DST: variants seen among roughly 807,000 people sequenced by gnomAD.
DST encodes bullous pemphigoid antigen.
A neutral mutation model predicts 875.2 loss-of-function variants in DST; 253 were observed. The observed-to-expected ratio is 0.29, with a 90% CI of 0.26 to 0.32. The LOEUF is 0.32. Ranked by LOEUF, DST falls within the 10% of genes least tolerant of loss-of-function variation. DST has a pLI of 1.00. For synonymous variants in DST, 3,124 were observed against 3,197.1 expected, an observed-to-expected ratio of 0.98 and a Z score of 0.77; for missense variants, 8,287 against 9,111.6, an observed-to-expected ratio of 0.91 and a Z score of 3.68.
At chr6:56,829,854 G>A (rs1001438865) in intron 4 of DST, among the ~76,000 whole-genome samples, 3 of 151,994 alleles carry the variant, frequency 2.0e-5, no homozygotes, top group Admixed American at 6.6e-5. Flanking sequence ...AAGAACCTTG[G>A]CAATCATTCA....
intron 46 of DST, 98 bp downstream of exon 46, chr6:56,598,378 G>T: frequency 1.4e-6 from 1 of 727,600 alleles, no homozygotes; most frequent in Non-Finnish European, 2.1e-6. Context: ...AATCCTTAGT[G>T]ATAATCCTTA....
Position 56,508,564 on chromosome 6 carries a change from G to A in DST, c.19204C>T (p.Pro6402Ser). Residue 6402 changes from proline (P) to serine (S), a missense_variant, in exon 75 of 104, where the codon CCT becomes TCT. Physicochemically the swap from Pro to Ser is moderately conservative, Grantham distance 74 (BLOSUM62 -1). Transcript: ENST00000680361. ...IRDLEDPGID[P>S]SVVKQQQEAA... is the part of the protein sequence containing the mutation. ...TCTTGCTGTTGTTTTACTACTGAAG[G>A]ATCAATTCCAGGATCTTCCAGGTCC... is the stretch of plus-strand genomic sequence containing the variant. 1 of 1,613,754 alleles carries A rather than the reference G, an allele frequency of 6.2e-7. No homozygotes were observed. The highest frequency in any genetic ancestry group is 8.5e-7 in the Non-Finnish European group (1 of 1,179,730).
At chr6:56,785,989 T>C (rs2099704607) in intron 4 of DST, 1 of 152,238 alleles carries the variant, frequency 6.6e-6, no homozygotes, top group Admixed American at 6.5e-5. Flanking sequence ...CACATCAGTA[T>C]TATCATTCTA....
intron 3 of DST, among the ~76,000 whole-genome samples, chr6:56,856,688 T>C (rs1162942727): frequency 6.6e-6 from 1 of 152,164 alleles, no homozygotes; most frequent in Admixed American, 6.5e-5. Flanking sequence ...TGATTCTTTT[T>C]CAAAAGCTAA....
chr6:56,938,069 C>A (rs1370099237), intron 2 of DST, among the ~76,000 whole-genome samples: 1 of 131,270 alleles, frequency 7.6e-6, no homozygotes, highest in Non-Finnish European at 1.5e-5. Flanking sequence ...AGAAATTACA[C>A]CTCTCTCTCT....
chr6:56,869,570 G>T (rs995845826), intron 3 of DST, among the ~76,000 whole-genome samples: 1 of 151,600 alleles, frequency 6.6e-6, no homozygotes, highest in Non-Finnish European at 1.5e-5. Context: ...CCCATGTCAA[G>T]CTTGTGGCTG....
intron 4 of DST, among the ~76,000 whole-genome samples, chr6:56,802,594 C>A (rs1386887454): frequency 6.6e-6 from 1 of 152,080 alleles, no homozygotes; most frequent in Non-Finnish European, 1.5e-5. Context: ...ACAAAGACAT[C>A]TTTTAGGACA....
In DST at chr6:56,517,652, G is replaced by A. The variant is rs201658847; in HGVS notation, c.18130-32C>T. On this transcript the variant is annotated intron_variant, in intron 69 of 103. Coordinates refer to ENST00000680361, the MANE Select transcript of DST (RefSeq NM_001374736.1). ...AAAAGATAAATAATTAGGTCAGCACGTTCCCGTTCCTGATGCCAGAAAATA... is the reference window on the plus strand; with the variant it reads ...AAAAGATAAATAATTAGGTCAGCACATTCCCGTTCCTGATGCCAGAAAATA... 131 of 1,588,838 alleles carry A rather than the reference G, an allele frequency of 8.2e-5. 1 individual carries two copies. The highest frequency in any genetic ancestry group is 3.4e-4 in the Middle Eastern group (2 of 5,962).
chr6:56,886,123 T>C (rs2127648955), intron 3 of DST, among the ~76,000 whole-genome samples: 1 of 152,332 alleles, frequency 6.6e-6, no homozygotes, highest in East Asian at 1.9e-4. Flanking sequence ...GATGTAAAGC[T>C]ACTCCCTGGG....
rs2152614512 is a variant in DST, at chr6:56,573,006, A to G, written c.13295T>C (p.Val4432Ala). ...ATCTGTTGTTTCCATAAATTTCTTC[A>G]CTTTTTCATTCATGGCATTTATACT... ...QSSINAMNEKVKKFMETTDPS... is the reference protein window; with the variant it reads ...QSSINAMNEKAKKFMETTDPS... Residue 4432 changes from valine to alanine, a missense_variant, in exon 52 of 104, where the codon GTG (valine) becomes GCG (alanine). This residue lies in a region of DST where 1,513 missense variants were observed against 1,677.8 expected (regional missense o/e 0.90). Transcript: ENST00000680361. The G allele has an allele frequency of 6.2e-7, 1 of 1,605,838 alleles. No homozygotes were observed. The highest frequency in any genetic ancestry group is 2.2e-5 in the East Asian group (1 of 44,684).
rs769710495 is a variant in DST, at chr6:56,593,733, G to C, written c.12656C>G (p.Ser4219Cys). ...SKRDGGKVDT[S>C]ATHREVQRKL... ...GCGCTGCACTTCTCTGTGGGTTGCA[G>C]AAGTATCAACCTTGCCACCGTCTCT... The change falls in exon 48 of 104, where the codon TCT becomes TGT. Residue 4219 changes from serine (S) to cysteine (C), a missense_variant. By Grantham distance (112) the Ser-to-Cys change is moderately radical (BLOSUM62 -1). Transcript: ENST00000680361. 4.3e-6 allele frequency: 7 copies of C among 1,613,678 alleles called. No individual in the cohort carries two copies. The East Asian group carries it at 1.3e-4, about 31-fold the overall frequency.
At chr6:56,739,140 C>T (rs960184393) in intron 4 of DST, among the ~76,000 whole-genome samples, 4 of 148,474 alleles carry the variant, frequency 2.7e-5, no homozygotes, top group Non-Finnish European at 4.5e-5. Flanking sequence ...GCTGCAATGC[C>T]TCTATGCGCT....
chr6:56,564,408 T>C (rs2097611842), intron 55 of DST, among the ~76,000 whole-genome samples: 1 of 152,228 alleles, frequency 6.6e-6, no homozygotes, highest in Admixed American at 6.5e-5. Flanking sequence ...CTTGTGATTT[T>C]TGCACATTGG....
At chr6:56,737,421 C>A (rs980313769) in intron 4 of DST, among the ~76,000 whole-genome samples, 1 of 152,182 alleles carries the variant, frequency 6.6e-6, no homozygotes, top group Admixed American at 6.5e-5. Context: ...TTGTTCAGTA[C>A]TGTAGCCACT....
intron 4 of DST, among the ~76,000 whole-genome samples, chr6:56,834,748 C>A (rs1480058712): frequency 6.6e-6 from 1 of 152,218 alleles, no homozygotes; most frequent in Non-Finnish European, 1.5e-5. Flanking sequence ...AACTCTCATT[C>A]ATTGCTGGTG....
chr6:56,911,449 A>AG (rs1798793848), intron 2 of DST, among the ~76,000 whole-genome samples: 1 of 152,200 alleles, frequency 6.6e-6, no homozygotes, highest in African/African-American at 2.4e-5. Flanking sequence ...TGAGGCTATC[A>AG]GGGGCCAGAA....
At chr6:56,728,737 C>CATTTTTTT (rs1303268025) in intron 5 of DST, among the ~76,000 whole-genome samples, 1 of 151,980 alleles carries the variant, frequency 6.6e-6, no homozygotes, top group East Asian at 1.9e-4. Context: ...CACCTAAATG[C>CATTTTTTT]AATACCTGAC....
chr6:56,627,088 A>G, intron 34 of DST, 116 bp downstream of exon 34: 1 of 822,018 alleles, frequency 1.2e-6, no homozygotes, highest in Non-Finnish European at 2.1e-6. Context: ...GTGTCAAAAA[A>G]GTTCAAATGA....
rs377510455 is a variant in DST at position 56,573,845 on chromosome 6, T to C, written c.13070A>G (p.Asn4357Ser). 61 of 1,613,246 alleles carry C rather than the reference T, an allele frequency of 3.8e-5. No homozygotes were observed. Among genetic ancestry groups the C allele is most frequent in the Non-Finnish European group, 4.8e-5 (57 of 1,179,586 alleles). ...TATCTGGAGTTTTTCATTTCGTTCA[T>C]TAACAGACTTGGACAGATCCTCATA... ...GRYEDLSKSV[N>S]ERNEKLQITL... The change falls in exon 51 of 104, where the codon AAT becomes AGT. Residue 4357 changes from asparagine to serine, a missense_variant. By Grantham distance (46) the Asn-to-Ser change is conservative. Coordinates refer to ENST00000680361, the MANE Select transcript of DST (RefSeq NM_001374736.1).
Sources: gnomAD v4.1 joint callset for allele counts (sites outside exome capture counted in the v4.1 genomes callset) on GRCh38, gnomAD v4.1.1 for gene constraint, gnomAD v4.1.1 regional missense constraint, MANE v1.5 for transcripts, NCBI Gene and HGNC (gene_info 2026-07-23, HGNC 2026-07-21) for gene names.